The following GNA14 variants were observed in gnomAD, a reference collection of about 807,000 sequenced individuals.
GNA14 encodes the protein G protein subunit alpha 14.
GNA14 carries 50 observed loss-of-function variants against 42.0 expected under a neutral mutation model. The ratio of observed to expected loss-of-function variants is 1.19; its 90% CI spans 0.95 to 1.51. GNA14 has a LOEUF of 1.51. Ranked by LOEUF, GNA14 falls within the 40% of genes most tolerant of loss-of-function variation. GNA14 has a pLI of 0.00. For synonymous variants in GNA14, 173 were observed against 163.1 expected, an observed-to-expected ratio of 1.06 and a Z score of -0.46; for missense variants, 473 against 446.2, an observed-to-expected ratio of 1.06 and a Z score of -0.54.
At chr9:77,442,643 T>C (rs1036955) in intron 2 of GNA14, among the ~76,000 whole-genome samples, 101,130 of 152,124 alleles carry the variant, frequency 0.66, 34,162 homozygotes, top group African/African-American at 0.79. Context: ...TAGGGCAGCC[T>C]TGAGGGGTTT....
In GNA14 at chr9:77,546,204, G is replaced by A. The variant is rs192709268; in HGVS notation, c.125-16951C>T. ...TGCACTCCAGCCTGGGTGACAGAGC[G>A]AGCTCCATCTCAAAAAAAAAAAAAA... On this transcript the variant is annotated intron_variant, in intron 1 of 6. Transcript: ENST00000341700. Among the ~76,000 whole-genome samples the A allele has an allele frequency of 4.3e-3, 519 of 121,890 alleles. 5 individuals carry two copies. Among genetic ancestry groups the A allele is most frequent in the African/African-American group, 0.016 (487 of 30,198 alleles). 80.0% of individuals were successfully genotyped at this position (121,890 alleles called of 152,430 possible). A position where few individuals can be genotyped will look rare whatever the true frequency, so the allele number is the denominator to read the frequency against.
intron 2 of GNA14, among the ~76,000 whole-genome samples, chr9:77,511,075 A>AT (rs575989487): frequency 0.011 from 1,689 of 149,162 alleles, 21 homozygotes; most frequent in Middle Eastern, 0.021. Flanking sequence ...AAAAGTTTTT[A>AT]TTTTTTTTTA....
chr9:77,561,764 G>A (rs1822887433), intron 1 of GNA14, among the ~76,000 whole-genome samples: 1 of 152,200 alleles, frequency 6.6e-6, no homozygotes, highest in African/African-American at 2.4e-5. Flanking sequence ...ACTTAAAAAT[G>A]GCTAAGAGGG....
chr9:77,613,643 A>C (rs1172715624), intron 1 of GNA14, among the ~76,000 whole-genome samples: 5 of 152,224 alleles, frequency 3.3e-5, no homozygotes, highest in Admixed American at 6.5e-5. Flanking sequence ...ACTTTTCTCC[A>C]AACTTGTTAA....
At chr9:77,519,580 T>C (rs769889) in intron 2 of GNA14, among the ~76,000 whole-genome samples, 5,981 of 152,250 alleles carry the variant, frequency 0.039, 264 homozygotes, top group East Asian at 0.24. Context: ...TTCTCACTTA[T>C]AAGTGGGAGC....
rs1311279849 is a variant in GNA14 at position 77,493,102 on chromosome 9, C to T, written c.309+35967G>A. On this transcript the variant is annotated intron_variant, in intron 2 of 6. Transcript: ENST00000341700. ...GTGGAGCCAGCAGTCCTGGCACTCA[C>T]TAACAGTGGTGGTGTGGGTATGGGG... 2.7e-5 allele frequency among the ~76,000 whole-genome samples: 4 copies of T among 147,572 alleles called. No homozygotes were observed. In the East Asian group the frequency reaches 6.0e-4, roughly 22 times the overall value.
chr9:77,624,180 A>G (rs1823978221), intron 1 of GNA14, among the ~76,000 whole-genome samples: 1 of 152,148 alleles, frequency 6.6e-6, no homozygotes, highest in Non-Finnish European at 1.5e-5. Context: ...AGATCCCCCC[A>G]CAGCACTGCA....
intron 1 of GNA14, among the ~76,000 whole-genome samples, chr9:77,576,216 G>A (rs1823126317): frequency 6.6e-6 from 1 of 152,286 alleles, no homozygotes; most frequent in East Asian, 1.9e-4. Context: ...GAGGGTCAGG[G>A]AGAAGAGAAA....
chr9:77,625,416 G>A (rs1403598651), intron 1 of GNA14, among the ~76,000 whole-genome samples: 1 of 152,038 alleles, frequency 6.6e-6, no homozygotes, highest in Non-Finnish European at 1.5e-5. Flanking sequence ...AGATACTCAA[G>A]AAGAGCAACC....
chr9:77,580,806 C>T, intron 1 of GNA14, among the ~76,000 whole-genome samples: 1 of 152,212 alleles, frequency 6.6e-6, no homozygotes, highest in East Asian at 1.9e-4. Flanking sequence ...AGACTAGTTG[C>T]ACCTGATGAG....
intron 2 of GNA14, among the ~76,000 whole-genome samples, chr9:77,496,139 A>T (rs1836864297): frequency 6.6e-6 from 1 of 152,226 alleles, no homozygotes; most frequent in Non-Finnish European, 1.5e-5. Flanking sequence ...ATAGGGAAGG[A>T]ATTTACTGTT....
rs138684650 is a variant in GNA14, at chr9:77,611,084, A to G, written c.124+36586T>C. 2.5e-3 allele frequency among the ~76,000 whole-genome samples: 377 copies of G among 152,306 alleles called. 2 individuals carry two copies. Among genetic ancestry groups the G allele is most frequent in the Non-Finnish European group, 4.2e-3 (288 of 68,018 alleles). The stretch of plus-strand genomic sequence containing the variant: ...CTAGTCTGAGCTTCATTCTAGTTAC[A>G]TTTGTTTTACATTACCCTATTCTCA... On this transcript the variant is annotated intron_variant, in intron 1 of 6. Transcript: ENST00000341700.
Position 77,431,359 on chromosome 9 carries a change from G to A in GNA14, c.555C>T (p.Ile185=). The part of the protein sequence containing the change: ...VLRVRVPTTG[I]IEYPFDLENI... Reference sequence around the variant, plus strand: ...TTTCCAAGTCAAATGGATACTCAATGATGCCGGTGGTGGGCACTCGGACGC... The same window carrying A: ...TTTCCAAGTCAAATGGATACTCAATAATGCCGGTGGTGGGCACTCGGACGC... Residue 185 remains isoleucine, a synonymous_variant, in exon 4 of 7, where the codon ATC becomes ATT. Transcript: ENST00000341700. The A allele has an allele frequency of 5.0e-6, 8 of 1,613,522 alleles. No individual in the cohort carries two copies. The highest frequency in any genetic ancestry group is 6.8e-6 in the Non-Finnish European group (8 of 1,179,660).
chr9:77,599,354 G>T (rs1274439908), intron 1 of GNA14, among the ~76,000 whole-genome samples: 2 of 152,208 alleles, frequency 1.3e-5, no homozygotes, highest in Non-Finnish European at 1.5e-5. Context: ...ACAGAACGGA[G>T]AATTTTTGAA....
chr9:77,564,907 G>A (rs917168437), intron 1 of GNA14, among the ~76,000 whole-genome samples: 4 of 151,820 alleles, frequency 2.6e-5, no homozygotes, highest in African/African-American at 4.8e-5. Flanking sequence ...GTCCAGGGGC[G>A]TTCTTCCAGG....
intron 5 of GNA14, among the ~76,000 whole-genome samples, chr9:77,428,141 C>CAT: frequency 7.1e-6 from 1 of 141,288 alleles, no homozygotes; most frequent in South Asian, 2.2e-4. Flanking sequence ...TGCAGTGGTG[C>CAT]GATCTCGGCT....
At chr9:77,434,021 GTATTTCTTGTTTAAATCAGA>G (rs1199945431) in intron 3 of GNA14, among the ~76,000 whole-genome samples, 1 of 152,148 alleles carries the variant, frequency 6.6e-6, no homozygotes, top group African/African-American at 2.4e-5. Context: ...AAAAGCAAGG[GTATTTCTTGTTTAAATCAGA>G]TAATTTCAGC....
intron 1 of GNA14, chr9:77,580,246 T>A (rs1823200383): frequency 6.8e-6 from 2 of 293,080 alleles, no homozygotes; most frequent in Non-Finnish European, 1.4e-5. Flanking sequence ...TGCTCCAGAA[T>A]GGGAGATAAG....
At position 77,644,437 on chromosome 9, in the gene GNA14, CAAAAAAAAAA is replaced by C. The variant is rs764737417; in HGVS notation, c.124+3223_124+3232del. The stretch of plus-strand genomic sequence containing the variant: ...TACTGAACTCCAACCTAAAGAGTGT[CAAAAAAAAAA>C]AAAAAAAAAAAAAAAAAGACACAGG... On this transcript the variant is annotated intron_variant, in intron 1 of 6. Transcript: ENST00000341700. Among the ~76,000 whole-genome samples the C allele has an allele frequency of 6.2e-4, 21 of 34,022 alleles. No homozygotes were observed. In the East Asian group the frequency reaches 0.015, roughly 25 times the overall value. The allele number at this position is 34,022 out of a possible 152,430, so 22.3% of individuals were successfully genotyped here.
Sources: gnomAD v4.1 joint callset for allele counts (sites outside exome capture counted in the v4.1 genomes callset) on GRCh38, gnomAD v4.1.1 for gene constraint, MANE v1.5 for transcripts, NCBI Gene and HGNC (gene_info 2026-07-23, HGNC 2026-07-21) for gene names.